ERI1: variants seen among roughly 807,000 people sequenced by gnomAD.
The protein encoded by ERI1 is 3'-5' exoribonuclease 1.
In ERI1, 39 loss-of-function variants were observed where a neutral mutation model predicts 39.7. The observed-to-expected ratio is 0.98, with a 90% confidence interval of 0.76 to 1.28. The LOEUF (loss-of-function observed/expected upper bound fraction) is 1.28. Ranked by LOEUF, ERI1 falls within the 50% of genes most tolerant of loss-of-function variation. The pLI is 0.00. For missense variants in ERI1, 581 were observed against 416.9 expected (o/e 1.39, Z -3.43); for synonymous variants, 204 against 149.6 (o/e 1.36, Z -2.65).
At chr8:9,047,424 C>T (rs1031520138) in intron 3 of ERI1, among the ~76,000 whole-genome samples, 1 of 152,042 alleles carries the variant, frequency 6.6e-6, no homozygotes, top group African/African-American at 2.4e-5. Flanking sequence ...ATGCTTGCCA[C>T]TAGGAGATGG....
At position 9,030,652 on chromosome 8, in the gene ERI1, TAATG is replaced by T. The variant is rs1426524930; in HGVS notation, c.*621_*624del. 9.8e-5 allele frequency: 15 copies of T among 152,558 alleles called. No homozygotes were observed. Among genetic ancestry groups the T allele is most frequent in the African/African-American group, 2.9e-4 (12 of 41,590 alleles). 9.5% of individuals were successfully genotyped at this position (152,558 alleles called of 1,614,324 possible). A position where few individuals can be genotyped will look rare whatever the true frequency, so the allele number is the denominator to read the frequency against. The stretch of plus-strand genomic sequence containing the variant: ...TTAAAAATCCAGTTACTGAAGGAAT[TAATG>T]AAAACGTAGAAGAAAGTACTAAAAG... On this transcript the variant is annotated 3_prime_UTR_variant, in exon 7 of 7. Transcript: ENST00000250263.
intron 3 of ERI1, among the ~76,000 whole-genome samples, chr8:9,038,898 C>G (rs1797934778): frequency 6.6e-6 from 1 of 152,212 alleles, no homozygotes; most frequent in Admixed American, 6.5e-5. Flanking sequence ...AGCATCAATT[C>G]TATAGCTTTA....
At chr8:9,005,786 GC>G (rs2117173384) in intron 1 of ERI1, among the ~76,000 whole-genome samples, 1 of 152,288 alleles carries the variant, frequency 6.6e-6, no homozygotes, top group African/African-American at 2.4e-5. Flanking sequence ...GAGCCAACGC[GC>G]CCGGCCTCAA....
In ERI1 at chr8:9,023,001, A is replaced by G. The variant is rs531371899; in HGVS notation, c.807+2537A>G. Among the ~76,000 whole-genome samples, 7 of 152,350 alleles carry G rather than the reference A, an allele frequency of 4.6e-5. No homozygotes were observed. The East Asian group carries it at 1.4e-3, about 29-fold the overall frequency. On this transcript the variant is annotated intron_variant, in intron 6 of 6. Transcript: ENST00000250263. ...TACCATACCATTGTGACATCTTAAA[A>G]AATTAGCAGTAATTCCTTCATCAAA...
intron 3 of ERI1, chr8:9,091,167 C>T (rs1226983764): frequency 6.6e-6 from 1 of 152,178 alleles, no homozygotes; most frequent in African/African-American, 2.4e-5. Flanking sequence ...TCCCTGTCGG[C>T]CCTTCTTCAG....
intron 3 of ERI1, among the ~76,000 whole-genome samples, chr8:9,039,293 G>A (rs570460563): frequency 1.2e-4 from 18 of 152,060 alleles, no homozygotes; most frequent in East Asian, 3.9e-4. Flanking sequence ...TATATGTTTC[G>A]TCAAAACCTT....
At chr8:9,065,189 C>G (rs370384384) in intron 3 of ERI1, among the ~76,000 whole-genome samples, 2 of 152,108 alleles carry the variant, frequency 1.3e-5, no homozygotes, top group African/African-American at 2.4e-5. Context: ...GGCTCAGAGG[C>G]CTGACACCAA....
rs377361014 is a variant in ERI1 at position 9,053,306 on chromosome 8, C to T, written n.299+32842C>T. On this transcript the variant is annotated intron_variant and non_coding_transcript_variant, in intron 3 of 3. Transcript: ENST00000518663. ...TGCTGGGATTATAGGCAAGAGCCAC[C>T]GCGCCCAGCCAGTGGCTAATGATTT... Among the ~76,000 whole-genome samples, 51 of 152,234 alleles carry T rather than the reference C, an allele frequency of 3.4e-4. No individual in the cohort carries two copies. The South Asian group carries it at 6.6e-3, about 20-fold the overall frequency.
At chr8:9,063,145 C>A (rs916971372) in intron 3 of ERI1, among the ~76,000 whole-genome samples, 2 of 152,022 alleles carry the variant, frequency 1.3e-5, no homozygotes, top group African/African-American at 4.8e-5. Flanking sequence ...TATTTAATGT[C>A]GGCAGCAGAT....
intron 4 of ERI1, among the ~76,000 whole-genome samples, chr8:9,017,599 C>T (rs1197381077): frequency 6.6e-6 from 1 of 152,148 alleles, no homozygotes; most frequent in Non-Finnish European, 1.5e-5. Context: ...GAATAGAAGA[C>T]TGTCCTGGGG....
chr8:9,037,633 G>T (rs1331282362), downstream of ERI1, among the ~76,000 whole-genome samples: 1 of 152,014 alleles, frequency 6.6e-6, no homozygotes, highest in African/African-American at 2.4e-5. Flanking sequence ...ATCTTGTAAG[G>T]TTAGTACCTG....
intron 3 of ERI1, among the ~76,000 whole-genome samples, chr8:9,045,168 G>A (rs1048406349): frequency 1.2e-4 from 18 of 149,318 alleles, no homozygotes; most frequent in Non-Finnish European, 2.1e-4. Flanking sequence ...CCAGGGAGGT[G>A]GAGCTTGCAG....
chr8:9,035,889 C>T (rs1201140352), downstream of ERI1, among the ~76,000 whole-genome samples: 1 of 152,182 alleles, frequency 6.6e-6, no homozygotes, highest in Non-Finnish European at 1.5e-5. Context: ...GTAAAGATAT[C>T]AACCTTAACA....
intron 3 of ERI1, among the ~76,000 whole-genome samples, chr8:9,013,020 A>G (rs1816832409): frequency 8.9e-6 from 1 of 111,842 alleles, no homozygotes; most frequent in African/African-American, 4.3e-5. Context: ...GACCATTCTC[A>G]CTTTTTTTTT....
At chr8:9,012,879 C>T (rs1816813745) in intron 3 of ERI1, among the ~76,000 whole-genome samples, 1 of 151,908 alleles carries the variant, frequency 6.6e-6, no homozygotes, top group Admixed American at 6.6e-5. Context: ...TATCTCTTTC[C>T]TTTTCTTCCA....
At chr8:9,039,801 G>C (rs1419781758) in intron 3 of ERI1, among the ~76,000 whole-genome samples, 1 of 152,138 alleles carries the variant, frequency 6.6e-6, no homozygotes, top group Non-Finnish European at 1.5e-5. Context: ...TTTCTGTTAA[G>C]AGGTAGTAAA....
At chr8:9,079,277 C>T (rs556605079) in intron 3 of ERI1, among the ~76,000 whole-genome samples, 1 of 152,198 alleles carries the variant, frequency 6.6e-6, no homozygotes, top group Non-Finnish European at 1.5e-5. Flanking sequence ...GCACTGAAGG[C>T]AAGGGTAAGC....
At chr8:9,064,808 G>T (rs1413208982) in intron 3 of ERI1, among the ~76,000 whole-genome samples, 1 of 152,196 alleles carries the variant, frequency 6.6e-6, no homozygotes, top group African/African-American at 2.4e-5. Flanking sequence ...GCGCATCCAT[G>T]TGAAGAGACC....
intron 3 of ERI1, among the ~76,000 whole-genome samples, chr8:9,092,138 G>A (rs974725491): frequency 4.6e-5 from 7 of 152,116 alleles, no homozygotes; most frequent in African/African-American, 1.7e-4. Flanking sequence ...TGTAGTTTTT[G>A]TAGAGAAAGG....
Sources: gnomAD v4.1 joint callset for allele counts (sites outside exome capture counted in the v4.1 genomes callset) on GRCh38, gnomAD v4.1.1 for gene constraint, MANE v1.5 for transcripts, NCBI Gene and HGNC (gene_info 2026-07-23, HGNC 2026-07-21) for gene names.